CSMD2: variants seen among roughly 807,000 people sequenced by gnomAD.
CSMD2 encodes the protein CUB and Sushi multiple domains 2, also known as CUB and sushi domain-containing protein 2.
A neutral mutation model predicts 398.5 loss-of-function variants in CSMD2; 130 were observed. The observed-to-expected ratio is 0.33, with a 90% CI of 0.28 to 0.38. CSMD2 has a LOEUF of 0.38. CSMD2 is among the 10% of genes least tolerant of loss of function. CSMD2 has a pLI of 1.00. For missense variants in CSMD2, 3,829 were observed against 4,764.9 expected (o/e 0.80, Z 5.78); for synonymous variants, 1,828 against 1,908.5 (o/e 0.96, Z 1.10).
At chr1:33,582,603 A>G (rs958636113) in intron 47 of CSMD2, among the ~76,000 whole-genome samples, 2 of 152,180 alleles carry the variant, frequency 1.3e-5, no homozygotes, top group African/African-American at 4.8e-5. Context: ...CAGAAAACAG[A>G]ATATTATAGA....
At chr1:33,903,456 T>C (rs962108578) in intron 5 of CSMD2, among the ~76,000 whole-genome samples, 1 of 152,056 alleles carries the variant, frequency 6.6e-6, no homozygotes, top group Admixed American at 6.6e-5. Flanking sequence ...GAGTTTAGGA[T>C]GAGTAATCAG....
At chr1:33,949,075 C>T (rs1644924725) in intron 3 of CSMD2, among the ~76,000 whole-genome samples, 1 of 152,164 alleles carries the variant, frequency 6.6e-6, no homozygotes, top group African/African-American at 2.4e-5. Context: ...AGCACTGTTA[C>T]TTAAATAGTA....
intron 3 of CSMD2, among the ~76,000 whole-genome samples, chr1:34,009,543 T>C (rs55778159): frequency 0.048 from 7,315 of 151,896 alleles, 250 homozygotes; most frequent in East Asian, 0.17. Flanking sequence ...TCAGTGATGG[T>C]CCCTCCATGT....
chr1:33,721,741 A>G (rs1646365366), intron 19 of CSMD2, among the ~76,000 whole-genome samples: 1 of 152,234 alleles, frequency 6.6e-6, no homozygotes, highest in East Asian at 1.9e-4. Flanking sequence ...GGCCTAGTAA[A>G]GGCCAAGTGA....
At chr1:34,112,009 TCTCTC>T (rs1219230422) in intron 1 of CSMD2, among the ~76,000 whole-genome samples, 13 of 150,890 alleles carry the variant, frequency 8.6e-5, no homozygotes, top group African/African-American at 3.2e-4. Flanking sequence ...TCTCTCTCTC[TCTCTC>T]TCTCTTTCTC....
intron 19 of CSMD2, among the ~76,000 whole-genome samples, chr1:33,721,482 A>T (rs1452410676): frequency 6.6e-6 from 1 of 152,254 alleles, no homozygotes; most frequent in African/African-American, 2.4e-5. Flanking sequence ...ATGCCCAGAC[A>T]CAGAGAAAAC....
In CSMD2 at chr1:33,707,689, GCGCGCGCACACACACACACACACA is replaced by G. The variant is rs1324177352; in HGVS notation, c.3576+1376_3576+1399del. Among the ~76,000 whole-genome samples the G allele has an allele frequency of 1.4e-4, 18 of 126,398 alleles. 1 individual carries two copies. In the East Asian group the frequency reaches 2.6e-3, roughly 18 times the overall value. 82.9% of individuals were successfully genotyped at this position (126,398 alleles called of 152,430 possible). ...CAAACACGCACGCGTGCACACGCGC[GCGCGCGCACACACACACACACACA>G]CACACACACACACACACACACACAC... On this transcript the variant is annotated intron_variant, in intron 22 of 70. Transcript: ENST00000373381.
chr1:33,759,188 A>C (rs545903278), intron 13 of CSMD2, among the ~76,000 whole-genome samples: 24 of 152,188 alleles, frequency 1.6e-4, no homozygotes, highest in African/African-American at 5.8e-4. Context: ...TGTGAGGGAC[A>C]CTCCAACATG....
rs545743352 is a variant in CSMD2 at position 33,575,122 on chromosome 1, C to A, written c.7576+2174G>T. 5.3e-5 allele frequency among the ~76,000 whole-genome samples: 8 copies of A among 152,234 alleles called. No individual in the cohort carries two copies. The East Asian group carries it at 9.7e-4, about 18-fold the overall frequency. On this transcript the variant is annotated intron_variant, in intron 49 of 70. Coordinates refer to ENST00000373381, the MANE Select transcript of CSMD2 (RefSeq NM_001281956.2). ...AAACCCGGTGGTAAGAGGGACACTT[C>A]CTGTGGGTAGGAGGAGGAGGGGATA... is the stretch of plus-strand genomic sequence containing the variant.
intron 11 of CSMD2, among the ~76,000 whole-genome samples, chr1:33,790,661 G>GTCTGTCTATCTATCTATCTA (rs575317509): frequency 6.7e-6 from 1 of 149,728 alleles, no homozygotes; most frequent in Non-Finnish European, 1.5e-5. Flanking sequence ...CTGTTTGTCT[G>GTCTGTCTATCTATCTATCTA]TCTATCTATC....
intron 1 of CSMD2, among the ~76,000 whole-genome samples, chr1:34,134,162 G>A (rs1285222955): frequency 2.0e-5 from 3 of 151,864 alleles, no homozygotes; most frequent in Non-Finnish European, 4.4e-5. Flanking sequence ...TGGTCTCCAT[G>A]GTTCTCTTGG....
chr1:33,980,677 G>A (rs115823880), intron 3 of CSMD2, among the ~76,000 whole-genome samples: 1,821 of 152,252 alleles, frequency 0.012, 31 homozygotes, highest in African/African-American at 0.042. Flanking sequence ...GTGTCAGACC[G>A]TGGACTAGGT....
At chr1:34,072,498 A>G (rs1021623369) in intron 2 of CSMD2, among the ~76,000 whole-genome samples, 1 of 152,184 alleles carries the variant, frequency 6.6e-6, no homozygotes, top group African/African-American at 2.4e-5. Context: ...ATGAGGATCT[A>G]GAGGTGGCCA....
intron 2 of CSMD2, among the ~76,000 whole-genome samples, chr1:34,075,076 G>T (rs931742486): frequency 3.3e-5 from 5 of 152,224 alleles, no homozygotes. Context: ...CTGATACCTG[G>T]CATTCCTGTT....
At chr1:33,874,792 C>T (rs180682917) in intron 5 of CSMD2, among the ~76,000 whole-genome samples, 6 of 152,336 alleles carry the variant, frequency 3.9e-5, no homozygotes, top group African/African-American at 1.2e-4. Context: ...TTATAAACCA[C>T]GTAAATTCCT....
intron 24 of CSMD2, among the ~76,000 whole-genome samples, chr1:33,694,349 T>C (rs985566427): frequency 6.6e-6 from 1 of 152,172 alleles, no homozygotes; most frequent in Non-Finnish European, 1.5e-5. Flanking sequence ...TACAAGCCTG[T>C]GAGTATACTA....
chr1:33,982,250 G>A (rs1376602991), intron 3 of CSMD2, among the ~76,000 whole-genome samples: 1 of 152,148 alleles, frequency 6.6e-6, no homozygotes, highest in East Asian at 1.9e-4. Context: ...GGGAGCAACA[G>A]AGGAGAACCA....
chr1:33,580,446 T>C (rs899359939), intron 48 of CSMD2, among the ~76,000 whole-genome samples: 10 of 152,242 alleles, frequency 6.6e-5, no homozygotes, highest in African/African-American at 2.4e-4. Context: ...CTTAGGGCTT[T>C]TTAGTTTTAA....
chr1:34,042,840 T>G (rs1299682071), intron 2 of CSMD2, among the ~76,000 whole-genome samples: 1 of 152,134 alleles, frequency 6.6e-6, no homozygotes, highest in African/African-American at 2.4e-5. Context: ...CAGGCTGGAG[T>G]GCAGTGGCGT....
Sources: allele counts gnomAD v4.1 joint callset (sites outside exome capture counted in the v4.1 genomes callset), GRCh38; gene constraint gnomAD v4.1.1; transcripts MANE v1.5; gene names NCBI Gene and HGNC (gene_info 2026-07-23, HGNC 2026-07-21).